PCDHGA3: variants seen among roughly 807,000 people sequenced by gnomAD.
PCDHGA3 encodes the protein protocadherin gamma subfamily A, 3, also known as protocadherin gamma-A3.
Under a neutral mutation model 58.5 loss-of-function variants are expected in PCDHGA3, and 40 were observed. The observed-to-expected ratio is 0.68, with a 90% CI of 0.53 to 0.89. The LOEUF is 0.89. PCDHGA3 is among the 40% of genes least tolerant of loss of function. The pLI is 0.00. For missense variants in PCDHGA3, 1,223 were observed against 1,195.9 expected, an observed-to-expected ratio of 1.02 and a Z score of -0.33; for synonymous variants, 530 against 525.7, an observed-to-expected ratio of 1.01 and a Z score of -0.11.
At chr5:141,470,815 G>A (rs891225908) in intron 1 of PCDHGA3, among the ~76,000 whole-genome samples, 1 of 151,980 alleles carries the variant, frequency 6.6e-6, no homozygotes, top group African/African-American at 2.4e-5. Flanking sequence ...AGCCTTCTGA[G>A]TAGTTAGGAC....
In PCDHGA3 at chr5:141,505,598, C is replaced by T. The variant is rs532473064; in HGVS notation, c.2572+117C>T. The T allele has an allele frequency of 1.4e-3, 2,157 of 1,556,732 alleles. 3 individuals are homozygous for T. Among genetic ancestry groups the T allele is most frequent in the Non-Finnish European group, 1.8e-3 (2,025 of 1,148,246 alleles). ...ACCTGTGTAGTTTCTCCAGATCTTT[C>T]GGCAGGTCTGAAAGGACCCACAATT... On this transcript the variant is annotated intron_variant, in intron 3 of 3. Coordinates refer to ENST00000253812, the MANE Select transcript of PCDHGA3 (RefSeq NM_018916.4).
chr5:141,498,625 T>C (rs1327552423), intron 2 of PCDHGA3, among the ~76,000 whole-genome samples: 1 of 152,176 alleles, frequency 6.6e-6, no homozygotes, highest in Non-Finnish European at 1.5e-5. Context: ...TGGGTCACAC[T>C]GCCTAGACAG....
chr5:141,357,585 G>C lies in PCDHGA3; in HGVS notation c.2424+11128G>C, dbSNP rs778650217. ...AAAGCGAGCCTCTTCTGATAACTCA[G>C]GATTTACTTGAAACAAAAGGAGACC... On this transcript the variant is annotated intron_variant, in intron 1 of 3. Transcript: ENST00000253812. 7.4e-6 allele frequency: 12 copies of C among 1,614,146 alleles called. No individual in the cohort carries two copies. In the South Asian group the frequency reaches 7.7e-5, roughly 10 times the overall value.
chr5:141,428,349 G>A (rs555622676), intron 1 of PCDHGA3: 93 of 583,074 alleles, frequency 1.6e-4, no homozygotes, highest in African/African-American at 1.5e-3. Flanking sequence ...TCCTCGCAGT[G>A]ATTTTGGCGG....
intron 1 of PCDHGA3, among the ~76,000 whole-genome samples, chr5:141,352,899 G>A (rs993863132): frequency 5.9e-5 from 9 of 152,168 alleles, no homozygotes; most frequent in Non-Finnish European, 1.0e-4. Flanking sequence ...GAGACAGGAG[G>A]ATCGCTTGAG....
Position 141,432,632 on chromosome 5 carries a change from G to T in PCDHGA3, c.2425-62175G>T. ...CTTCTCGGTGGGTCTGCACACGGGCGAGGTGCGCACGGCGCGAGCCCTGCT... is the reference window on the plus strand; with the variant it reads ...CTTCTCGGTGGGTCTGCACACGGGCTAGGTGCGCACGGCGCGAGCCCTGCT... On this transcript the variant is annotated intron_variant, in intron 1 of 3. Transcript: ENST00000253812. This position sits in a 1 kb window ranked among gnomAD's most constrained non-coding sequence, Gnocchi z 6.0. The T allele has an allele frequency of 6.2e-7, 1 of 1,612,834 alleles. No homozygotes were observed. Among genetic ancestry groups the T allele is most frequent in the South Asian group, 1.1e-5 (1 of 90,976 alleles).
chr5:141,376,552 C>G lies in PCDHGA3; in HGVS notation c.2424+30095C>G, dbSNP rs372170088. On this transcript the variant is annotated intron_variant, in intron 1 of 3. Transcript: ENST00000253812. ...AGCGGGAAGAGTAATCTGATCTTCC[C>G]GCAACCCAACTAATCAGACAGGCTC... 3 of 1,611,220 alleles carry G rather than the reference C, an allele frequency of 1.9e-6. No individual in the cohort carries two copies. The African/African-American group carries it at 4.0e-5, about 22-fold the overall frequency.
intron 1 of PCDHGA3, chr5:141,441,621 G>T: frequency 4.5e-6 from 1 of 223,408 alleles, no homozygotes; most frequent in South Asian, 5.2e-5. Context: ...CGTGGCCAGT[G>T]ACCTGGAGCC....
rs528172004 is a variant in PCDHGA3 at position 141,370,968 on chromosome 5, C to G, written c.2424+24511C>G. The G allele has an allele frequency of 1.1e-3, 1,752 of 1,613,966 alleles. 34 individuals are homozygous for G. In the South Asian group the frequency reaches 0.018, roughly 17 times the overall value. On this transcript the variant is annotated intron_variant, in intron 1 of 3. Coordinates refer to ENST00000253812, the MANE Select transcript of PCDHGA3 (RefSeq NM_018916.4). Reference sequence around the variant, plus strand: ...GGAGAACCTGGATGGCAGTAGGTACCCAGAGCTAGTACTGAAAGCACCCCT... The same window carrying G: ...GGAGAACCTGGATGGCAGTAGGTACGCAGAGCTAGTACTGAAAGCACCCCT...
chr5:141,505,570 C>A, intron 3 of PCDHGA3, 89 bp downstream of exon 3: 1 of 1,598,160 alleles, frequency 6.3e-7, no homozygotes, highest in South Asian at 1.1e-5. Context: ...GACTGGATGT[C>A]AAACCTGTGT....
At position 141,370,127 on chromosome 5, in the gene PCDHGA3, G is replaced by A. The variant is rs1588666057; in HGVS notation, c.2424+23670G>A. ...TTTCTCCTAACTAGCTCCTTATTTGGAGCTGATTTAGTCACCATTACTGCA... is the reference window on the plus strand; with the variant it reads ...TTTCTCCTAACTAGCTCCTTATTTGAAGCTGATTTAGTCACCATTACTGCA... On this transcript the variant is annotated intron_variant, in intron 1 of 3. Transcript: ENST00000253812. 5 of 394,722 alleles carry A rather than the reference G, an allele frequency of 1.3e-5. No individual in the cohort carries two copies. The East Asian group carries it at 1.9e-4, about 15-fold the overall frequency. 24.5% of individuals were successfully genotyped at this position (394,722 alleles called of 1,614,324 possible). A position where few individuals can be genotyped will look rare whatever the true frequency, so the allele number is the denominator to read the frequency against.
intron 1 of PCDHGA3, among the ~76,000 whole-genome samples, chr5:141,368,793 T>G (rs1012926253): frequency 6.6e-6 from 1 of 152,202 alleles, no homozygotes; most frequent in Non-Finnish European, 1.5e-5. Context: ...GAATAATTTT[T>G]CATACTAATT....
chr5:141,489,124 A>C lies in PCDHGA3; in HGVS notation c.2425-5683A>C. The C allele has an allele frequency of 3.6e-6, 2 of 556,652 alleles. No individual in the cohort carries two copies. Among genetic ancestry groups the C allele is most frequent in the South Asian group, 3.3e-5 (1 of 30,014 alleles). The allele number at this position is 556,652 out of a possible 1,614,324, so 34.5% of individuals were successfully genotyped here. On this transcript the variant is annotated intron_variant, in intron 1 of 3. Transcript: ENST00000253812. The surrounding 1 kb of genome is among the most constrained non-coding windows in gnomAD (Gnocchi z 4.5). ...GCTGCAAGCAGGCAAACCTCCGAGC[A>C]GTTTTTAAGAGGCTGGAAGGAGACA...
Position 141,432,608 on chromosome 5 carries a change from T to G in PCDHGA3, c.2425-62199T>G. ...GCTCAAGGCCAGCGAGCCGGGACTC[T>G]TCTCGGTGGGTCTGCACACGGGCGA... On this transcript the variant is annotated intron_variant, in intron 1 of 3. Transcript: ENST00000253812. This position sits in a 1 kb window ranked among gnomAD's most constrained non-coding sequence, Gnocchi z 6.0. The G allele has an allele frequency of 6.2e-7, 1 of 1,613,864 alleles. No individual in the cohort carries two copies. The highest frequency in any genetic ancestry group is 8.5e-7 in the Non-Finnish European group (1 of 1,179,964).
intron 1 of PCDHGA3, chr5:141,367,915 AAG>A (rs963477833): frequency 6.6e-6 from 1 of 152,232 alleles, no homozygotes; most frequent in Non-Finnish European, 1.5e-5. Flanking sequence ...TTGAAAAAAA[AAG>A]AACTCAACTT....
At chr5:141,478,044 C>T in intron 1 of PCDHGA3, 2 of 1,614,184 alleles carry the variant, frequency 1.2e-6, no homozygotes, top group South Asian at 1.1e-5. Flanking sequence ...CCCAGGCAGA[C>T]TCTCACGGTC....
chr5:141,351,228 A>G, intron 1 of PCDHGA3: 1 of 1,614,086 alleles, frequency 6.2e-7, no homozygotes, highest in Non-Finnish European at 8.5e-7. Context: ...GGAGGAGTAC[A>G]CACAGCTCAC....
In PCDHGA3 at chr5:141,510,992, T is replaced by C. The variant is rs879030278; in HGVS notation, c.2618T>C (p.Met873Thr). The change falls in exon 4 of 4, where the codon ATG (methionine) becomes ACG (threonine). Residue 873 changes from methionine to threonine, a missense_variant. By Grantham distance (81) the Met-to-Thr change is moderately conservative. Around this residue, in one of 3 missense-constraint regions of PCDHGA3, gnomAD observed 325 missense variants for 327.5 expected, o/e 0.99. Coordinates refer to ENST00000253812, the MANE Select transcript of PCDHGA3 (RefSeq NM_018916.4). ...SSTLGGGAGT[M>T]GLSARYGPQF... is the part of the protein sequence containing the mutation. ...ACCCTGGGAGGGGGTGCCGGCACCA[T>C]GGGATTGAGCGCCCGCTACGGACCC... The C allele has an allele frequency of 1.9e-6, 3 of 1,614,164 alleles. No individual in the cohort carries two copies. The highest frequency in any genetic ancestry group is 2.5e-6 in the Non-Finnish European group (3 of 1,180,006).
intron 1 of PCDHGA3, chr5:141,360,527 C>G (rs763036184): frequency 1.2e-6 from 2 of 1,613,910 alleles, no homozygotes; most frequent in East Asian, 4.5e-5. Context: ...GATAATACCC[C>G]GCTATTCAAA....
Sources: gnomAD v4.1 joint callset for allele counts (sites outside exome capture counted in the v4.1 genomes callset) on GRCh38, gnomAD v4.1.1 for gene constraint, gnomAD v4.1.1 regional missense constraint, Gnocchi (gnomAD v3.1) non-coding constraint, MANE v1.5 for transcripts, NCBI Gene and HGNC (gene_info 2026-07-23, HGNC 2026-07-21) for gene names.